ERBB4: variants seen among roughly 807,000 people sequenced by gnomAD.
The protein encoded by ERBB4 is erb-b2 receptor tyrosine kinase 4.
Under a neutral mutation model 158.0 loss-of-function variants are expected in ERBB4, and 42 were observed. The observed-to-expected ratio is 0.27, with a 90% CI of 0.21 to 0.34. ERBB4 has a LOEUF of 0.34. Among genes scored for constraint, ERBB4 ranks in the 10% least tolerant of loss-of-function variants. The pLI is 1.00. For missense variants in ERBB4, 1,333 were observed against 1,624.1 expected (o/e 0.82, Z 3.08); for synonymous variants, 583 against 558.7 (o/e 1.04, Z -0.61).
At chr2:212,342,907 A>G (rs1431740767) in intron 1 of ERBB4, among the ~76,000 whole-genome samples, 1 of 152,200 alleles carries the variant, frequency 6.6e-6, no homozygotes, top group Non-Finnish European at 1.5e-5. Flanking sequence ...AAACTTTTAC[A>G]TCTTCCATTT....
In ERBB4 at chr2:211,472,803, C is replaced by T. The variant is rs188728124; in HGVS notation, c.2488-41703G>A. Among the ~76,000 whole-genome samples the T allele has an allele frequency of 5.3e-5, 8 of 152,056 alleles. No homozygotes were observed. The East Asian group carries it at 1.4e-3, about 26-fold the overall frequency. On this transcript the variant is annotated intron_variant, in intron 20 of 27. Coordinates refer to ENST00000342788, the MANE Select transcript of ERBB4 (RefSeq NM_005235.3). ...CTTGAGTGTGAATCGGAATCACCTA[C>T]GGAAATTAAAGCACAGATTGCTGAG...
intron 3 of ERBB4, among the ~76,000 whole-genome samples, chr2:211,794,523 G>A (rs1416849645): frequency 6.6e-6 from 1 of 151,834 alleles, no homozygotes; most frequent in Non-Finnish European, 1.5e-5. Context: ...TTATGATAAT[G>A]ATAACATCCA....
At chr2:211,612,718 C>G (rs578020060) in intron 19 of ERBB4, among the ~76,000 whole-genome samples, 2 of 152,108 alleles carry the variant, frequency 1.3e-5, no homozygotes, top group South Asian at 4.1e-4. Flanking sequence ...AGAGGACCTG[C>G]ACAATTCAAG....
intron 4 of ERBB4, among the ~76,000 whole-genome samples, chr2:211,758,320 A>G (rs1335633012): frequency 6.6e-6 from 1 of 152,200 alleles, no homozygotes; most frequent in Non-Finnish European, 1.5e-5. Flanking sequence ...ATGAACTTCA[A>G]AGAAAATCAC....
Position 212,003,216 on chromosome 2 carries a change from G to GAAAGAAACAGAAA in ERBB4, c.235-55601_235-55600insTTTCTGTTTCTTT, listed in dbSNP as rs1491317567. On this transcript the variant is annotated intron_variant, in intron 2 of 27. Transcript: ENST00000342788. ...AAGAAAGAAAGAAAGACAGAAAGAAGGAAGGAAGGAAGGAAGGAAGGAAGG... is the reference window on the plus strand; with the variant it reads ...AAGAAAGAAAGAAAGACAGAAAGAAGAAAGAAACAGAAAGAAGGAAGGAAGGAAGGAAGGAAGG... Among the ~76,000 whole-genome samples, 4 of 34,506 alleles carry GAAAGAAACAGAAA rather than the reference G, an allele frequency of 1.2e-4. 1 individual carries two copies. The highest frequency in any genetic ancestry group is 4.4e-4 in the African/African-American group (4 of 9,190). 22.6% of individuals were successfully genotyped at this position (34,506 alleles called of 152,430 possible). A position where few individuals can be genotyped will look rare whatever the true frequency, so the allele number is the denominator to read the frequency against.
At chr2:212,422,391 A>G (rs930227257) in intron 1 of ERBB4, among the ~76,000 whole-genome samples, 5 of 152,038 alleles carry the variant, frequency 3.3e-5, no homozygotes, top group African/African-American at 9.7e-5. Flanking sequence ...CCAGCTACTC[A>G]GGAGGTTATG....
At chr2:212,413,941 A>G (rs1450738996) in intron 1 of ERBB4, among the ~76,000 whole-genome samples, 1 of 152,186 alleles carries the variant, frequency 6.6e-6, no homozygotes, top group African/African-American at 2.4e-5. Flanking sequence ...TATTTACTTA[A>G]TCTTCAGATT....
chr2:211,983,961 C>A (rs1364491367), intron 2 of ERBB4, among the ~76,000 whole-genome samples: 1 of 152,064 alleles, frequency 6.6e-6, no homozygotes, highest in African/African-American at 2.4e-5. Context: ...ATGGTTCATT[C>A]AGGTTGCTAT....
chr2:211,478,896 T>C (rs757677209), intron 20 of ERBB4, among the ~76,000 whole-genome samples: 23 of 152,112 alleles, frequency 1.5e-4, no homozygotes, highest in Admixed American at 1.2e-3. Flanking sequence ...ATATTGAAAC[T>C]CCTCAGGATG....
intron 1 of ERBB4, among the ~76,000 whole-genome samples, chr2:212,265,737 T>A (rs2085111144): frequency 6.6e-6 from 1 of 152,118 alleles, no homozygotes; most frequent in Non-Finnish European, 1.5e-5. Context: ...AAAACCCTTC[T>A]CTGCTTAGAC....
chr2:211,562,963 G>A (rs1395198055), intron 19 of ERBB4, among the ~76,000 whole-genome samples: 1 of 151,872 alleles, frequency 6.6e-6, no homozygotes, highest in Non-Finnish European at 1.5e-5. Context: ...AGTAGAGACG[G>A]GGTTTCACCG....
intron 20 of ERBB4, among the ~76,000 whole-genome samples, chr2:211,525,889 G>C (rs2066334134): frequency 6.6e-6 from 1 of 152,024 alleles, no homozygotes; most frequent in Admixed American, 6.5e-5. Flanking sequence ...GAGTAGGAAG[G>C]ACTATGTCTT....
At chr2:212,140,937 T>A (rs937288243) in intron 1 of ERBB4, among the ~76,000 whole-genome samples, 1 of 151,070 alleles carries the variant, frequency 6.6e-6, no homozygotes, top group Admixed American at 6.6e-5. Flanking sequence ...ATGCTCTAGG[T>A]TCTTTTCTAG....
chr2:211,689,950 A>T (rs1246628142), intron 12 of ERBB4, among the ~76,000 whole-genome samples: 2 of 150,976 alleles, frequency 1.3e-5, no homozygotes, highest in African/African-American at 4.9e-5. Flanking sequence ...TTCTTTTTTT[A>T]ATATGTTTTA....
At chr2:212,328,979 A>G (rs1412137847) in intron 1 of ERBB4, among the ~76,000 whole-genome samples, 3 of 152,058 alleles carry the variant, frequency 2.0e-5, no homozygotes, top group African/African-American at 7.2e-5. Flanking sequence ...GCCCCAAATA[A>G]GAAAAATTTA....
At chr2:211,664,537 T>C (rs1038077429) in intron 15 of ERBB4, among the ~76,000 whole-genome samples, 1 of 152,224 alleles carries the variant, frequency 6.6e-6, no homozygotes, top group African/African-American at 2.4e-5. Flanking sequence ...AGACTTGTTG[T>C]CTCTTAAGAA....
At chr2:212,274,162 T>C (rs749645874) in intron 1 of ERBB4, among the ~76,000 whole-genome samples, 1 of 151,858 alleles carries the variant, frequency 6.6e-6, no homozygotes, top group Admixed American at 6.6e-5. Flanking sequence ...GTATATTATC[T>C]CTTTACAAGA....
At chr2:212,317,063 G>A (rs76173485) in intron 1 of ERBB4, among the ~76,000 whole-genome samples, 1,990 of 151,522 alleles carry the variant, frequency 0.013, 49 homozygotes, top group African/African-American at 0.046. Flanking sequence ...CATAGTTAAT[G>A]AATTTTCCAA....
intron 23 of ERBB4, among the ~76,000 whole-genome samples, chr2:211,422,350 G>C (rs1304300344): frequency 6.6e-6 from 1 of 151,732 alleles, no homozygotes; most frequent in Non-Finnish European, 1.5e-5. Flanking sequence ...GATGTGTATA[G>C]ACGTGACTGC....
Sources: allele counts gnomAD v4.1 joint callset (sites outside exome capture counted in the v4.1 genomes callset), GRCh38; gene constraint gnomAD v4.1.1; transcripts MANE v1.5; gene names NCBI Gene and HGNC (gene_info 2026-07-23, HGNC 2026-07-21).